Variants in ENY2 observed in about 807,000 individuals in gnomAD.
ENY2 encodes transcription and mRNA export factor ENY2.
A neutral mutation model predicts 15.9 loss-of-function variants in ENY2; 4 were observed. The ratio of observed to expected loss-of-function variants is 0.25; its 90% CI spans 0.12 to 0.57. ENY2 has a LOEUF of 0.57. Among genes scored for constraint, ENY2 ranks in the 20% least tolerant of loss-of-function variants. ENY2 has a pLI of 0.91. For missense variants in ENY2, 54 were observed against 117.2 expected (o/e 0.46, Z 2.49); for synonymous variants, 48 against 38.0 (o/e 1.26, Z -0.97).
chr8:109,340,691 T>A, intron 4 of ENY2, 128 bp downstream of exon 4: 2 of 1,155,688 alleles, frequency 1.7e-6, no homozygotes, highest in Non-Finnish European at 2.4e-6. Flanking sequence ...TGTAAAGAGT[T>A]AAAATTGCCT....
At chr8:109,340,664 C>T in intron 4 of ENY2, 101 bp downstream of exon 4, 1 of 1,471,090 alleles carries the variant, frequency 6.8e-7, no homozygotes, top group Non-Finnish European at 9.2e-7. Context: ...AGGAAAAGCA[C>T]TACCTGTGTT....
intron 2 of ENY2, among the ~76,000 whole-genome samples, chr8:109,337,622 G>A (rs1479028546): frequency 6.6e-6 from 1 of 152,170 alleles, no homozygotes; most frequent in African/African-American, 2.4e-5. Flanking sequence ...ATCAGAAGGA[G>A]GCCGTGCATA....
rs1816229225 is a variant in ENY2 at position 109,345,655 on chromosome 8, GT to G, written c.*2176del. 6.6e-6 allele frequency: 1 copy of G among 152,070 alleles called. No homozygotes were observed. Among genetic ancestry groups the G allele is most frequent in the Admixed American group, 6.6e-5 (1 of 15,240 alleles). The allele number at this position is 152,070 out of a possible 1,614,324, so 9.4% of individuals were successfully genotyped here. On this transcript the variant is annotated 3_prime_UTR_variant, in exon 5 of 5. Coordinates refer to ENST00000521688, the MANE Select transcript of ENY2 (RefSeq NM_020189.6). Reference sequence around the variant, plus strand: ...CAGGAAAGGTGAGAAATAGCGGATAGTTCTTATTTCATAGTACTGTATATGG... The same window carrying G: ...CAGGAAAGGTGAGAAATAGCGGATAGTCTTATTTCATAGTACTGTATATGG...
In ENY2 at chr8:109,345,418, T is replaced by C. The variant is rs1056308427; in HGVS notation, c.*1937T>C. ...ATCTTTGGTTCGAGAGACAATTTCATCTTTCTGATGAATTTAAAGTGTAGT... is the reference window on the plus strand; with the variant it reads ...ATCTTTGGTTCGAGAGACAATTTCACCTTTCTGATGAATTTAAAGTGTAGT... On this transcript the variant is annotated 3_prime_UTR_variant, in exon 5 of 5. Transcript: ENST00000521688. The C allele has an allele frequency of 1.3e-5, 2 of 152,196 alleles. No individual in the cohort carries two copies. Among genetic ancestry groups the C allele is most frequent in the African/African-American group, 2.4e-5 (1 of 41,456 alleles). The allele number at this position is 152,196 out of a possible 1,614,324, so 9.4% of individuals were successfully genotyped here.
intron 3 of ENY2, 153 bp downstream of exon 3, chr8:109,339,543 G>A (rs1816069741): frequency 3.3e-6 from 2 of 600,756 alleles, no homozygotes; most frequent in Admixed American, 7.1e-5. Context: ...GGTGGCATAT[G>A]TAGACCTAAT....
chr8:109,339,786 A>G (rs930890102), intron 3 of ENY2: 34 of 162,184 alleles, frequency 2.1e-4, no homozygotes, highest in African/African-American at 7.9e-4. Context: ...TTAAAAAAAA[A>G]GTAGAAGGGA....
chr8:109,336,766 C>T (rs1037032853), intron 2 of ENY2, among the ~76,000 whole-genome samples: 1 of 152,186 alleles, frequency 6.6e-6, no homozygotes, highest in Non-Finnish European at 1.5e-5. Context: ...AGTTCTTTAA[C>T]ACCAAAAACA....
chr8:109,335,375 T>TC (rs896153910), intron 1 of ENY2: 3 of 150,694 alleles, frequency 2.0e-5, no homozygotes, highest in African/African-American at 7.3e-5. Context: ...TTTTTTTTTT[T>TC]TTTTTGAGAC....
chr8:109,340,084 G>C (rs747994201), intron 3 of ENY2, among the ~76,000 whole-genome samples: 3 of 149,958 alleles, frequency 2.0e-5, no homozygotes, highest in Non-Finnish European at 4.4e-5. Context: ...TTAAGCCTCA[G>C]TTGCTTCACC....
intron 1 of ENY2, chr8:109,334,933 T>C (rs73305455): frequency 0.029 from 4,548 of 157,450 alleles, 243 homozygotes; most frequent in African/African-American, 0.1. Context: ...TCCTTTTCCC[T>C]GTTCCTCTCA....
intron 1 of ENY2, chr8:109,335,387 G>A (rs1045001651): frequency 5.8e-5 from 8 of 137,926 alleles, no homozygotes; most frequent in Admixed American, 4.6e-4. Context: ...TTTTGAGACA[G>A]AGTCTTGCCC....
At chr8:109,343,330 C>T in intron 4 of ENY2, 75 bp from the exon 5 acceptor site, 8 of 1,205,620 alleles carry the variant, frequency 6.6e-6, no homozygotes, top group Non-Finnish European at 8.3e-6. Flanking sequence ...TTACCCTGAG[C>T]AAAATGTCAG....
chr8:109,335,613 G>C (rs1815956318), intron 1 of ENY2: 1 of 152,104 alleles, frequency 6.6e-6, no homozygotes, highest in African/African-American at 2.4e-5. Flanking sequence ...CACCTGCCTG[G>C]GCCTCCCAAA....
Position 109,343,520 on chromosome 8 carries a change from A to C in ENY2, c.*39A>C. The C allele has an allele frequency of 6.4e-7, 1 of 1,551,430 alleles. No individual in the cohort carries two copies. Among genetic ancestry groups the C allele is most frequent in the Non-Finnish European group, 8.8e-7 (1 of 1,141,720 alleles). On this transcript the variant is annotated 3_prime_UTR_variant, in exon 5 of 5. Transcript: ENST00000521688. ...TGTGTTGTTGTGGTTTTATTTCTGA[A>C]AGTAAAACTTGCCATAAATTAGAAA...
At chr8:109,340,891 T>C in intron 4 of ENY2, 1 of 196,812 alleles carries the variant, frequency 5.1e-6, no homozygotes, top group Non-Finnish European at 1.0e-5. Flanking sequence ...ATGGCATGAC[T>C]CCACTTAAAT....
At chr8:109,338,651 A>T (rs910725308) in intron 2 of ENY2, 1 of 152,202 alleles carries the variant, frequency 6.6e-6, no homozygotes, top group Non-Finnish European at 1.5e-5. Flanking sequence ...TGGCAAAAGG[A>T]TAAGAAAATA....
intron 4 of ENY2, among the ~76,000 whole-genome samples, chr8:109,341,467 A>T (rs919202431): frequency 1.3e-5 from 2 of 152,058 alleles, no homozygotes; most frequent in Non-Finnish European, 2.9e-5. Flanking sequence ...AAAAAAAATT[A>T]TTATTCCCCT....
chr8:109,342,798 C>A, intron 4 of ENY2: 1 of 675,050 alleles, frequency 1.5e-6, no homozygotes, highest in South Asian at 1.5e-5. Context: ...GCCATCGTAC[C>A]CAGCCAACAC....
chr8:109,342,927 T>G, intron 4 of ENY2: 1 of 494,602 alleles, frequency 2.0e-6, no homozygotes, highest in Non-Finnish European at 3.6e-6. Flanking sequence ...AACTCTCCTT[T>G]TCTTCATCTC....
Sources: gnomAD v4.1 joint callset for allele counts (sites outside exome capture counted in the v4.1 genomes callset) on GRCh38, gnomAD v4.1.1 for gene constraint, MANE v1.5 for transcripts, NCBI Gene and HGNC (gene_info 2026-07-23, HGNC 2026-07-21) for gene names.